Variants in CDYL observed in about 807,000 individuals in gnomAD.
CDYL encodes chromodomain Y-like protein.
A neutral mutation model predicts 47.3 loss-of-function variants in CDYL; 8 were observed. That is an observed-to-expected ratio of 0.17 (90% confidence interval 0.10 to 0.31). The LOEUF is 0.31. Among genes scored for constraint, CDYL ranks in the 10% least tolerant of loss-of-function variants. The pLI is 1.00. For synonymous variants in CDYL, 266 were observed against 265.0 expected (o/e 1.00, Z -0.04); for missense variants, 471 against 701.4 (o/e 0.67, Z 3.71).
intron 3 of CDYL, among the ~76,000 whole-genome samples, chr6:4,741,435 A>G (rs910993470): frequency 6.6e-6 from 1 of 152,218 alleles, no homozygotes; most frequent in Admixed American, 6.5e-5. Context: ...AAAGAAACCT[A>G]GAGATAAGCA....
chr6:4,857,225 A>G (rs987540190), intron 1 of CDYL, among the ~76,000 whole-genome samples: 7 of 152,238 alleles, frequency 4.6e-5, no homozygotes, highest in Non-Finnish European at 1.0e-4. Flanking sequence ...ATTCACACTG[A>G]TAATCAACCA....
In CDYL at chr6:4,726,929, A is replaced by G. The variant is rs900326064; in HGVS notation, c.104-7833A>G. ...TAATGGGTGACTCATTGATTGTTGT[A>G]AGGATTAAATAATATAATTTCCAAA... On this transcript the variant is annotated intron_variant, in intron 2 of 8. Coordinates refer to the CDYL transcript ENST00000328908. Among the ~76,000 whole-genome samples, 5 of 152,140 alleles carry G rather than the reference A, an allele frequency of 3.3e-5. No individual in the cohort carries two copies. In the East Asian group the frequency reaches 9.6e-4, roughly 29 times the overall value.
At chr6:4,719,452 G>T (rs1757330417) in intron 2 of CDYL, among the ~76,000 whole-genome samples, 1 of 151,228 alleles carries the variant, frequency 6.6e-6, no homozygotes, top group African/African-American at 2.4e-5. Context: ...TCATCATGTG[G>T]TACCTCTTTC....
At chr6:4,873,537 C>G (rs1761532634) in intron 1 of CDYL, among the ~76,000 whole-genome samples, 1 of 152,030 alleles carries the variant, frequency 6.6e-6, no homozygotes, top group South Asian at 2.1e-4. Flanking sequence ...TGATACTGTT[C>G]TGTGCAATTT....
intron 2 of CDYL, among the ~76,000 whole-genome samples, chr6:4,903,871 C>T (rs1425013377): frequency 6.6e-6 from 1 of 152,240 alleles, no homozygotes; most frequent in Non-Finnish European, 1.5e-5. Context: ...GCCATACACC[C>T]ATCAGCCGTC....
intron 1 of CDYL, among the ~76,000 whole-genome samples, chr6:4,709,963 G>A (rs1273989792): frequency 1.3e-5 from 2 of 152,108 alleles, no homozygotes; most frequent in South Asian, 2.1e-4. Context: ...GCTCATGCCT[G>A]TAATCTCAGC....
At chr6:4,785,645 C>G (rs57931007) in intron 1 of CDYL, among the ~76,000 whole-genome samples, 14,605 of 152,228 alleles carry the variant, frequency 0.096, 1,192 homozygotes, top group African/African-American at 0.22. Context: ...TAGTGTATCT[C>G]AGAACCAGGA....
At chr6:4,798,200 TG>T (rs1002828714) in intron 1 of CDYL, among the ~76,000 whole-genome samples, 10 of 152,288 alleles carry the variant, frequency 6.6e-5, no homozygotes, top group Admixed American at 3.9e-4. Context: ...CTTGAACTCC[TG>T]GGCTCCAGCA....
At chr6:4,829,654 ATC>A (rs1202939910) in intron 1 of CDYL, among the ~76,000 whole-genome samples, 1 of 152,150 alleles carries the variant, frequency 6.6e-6, no homozygotes. Flanking sequence ...TTGTTTGTAT[ATC>A]TCAACTTGAT....
chr6:4,881,848 G>A (rs764516259), intron 1 of CDYL, among the ~76,000 whole-genome samples: 1 of 152,214 alleles, frequency 6.6e-6, no homozygotes, highest in Non-Finnish European at 1.5e-5. Context: ...ATTGTTGGGA[G>A]ACAATTCTCC....
intron 1 of CDYL, among the ~76,000 whole-genome samples, chr6:4,842,701 T>G (rs956149775): frequency 6.6e-6 from 1 of 152,204 alleles, no homozygotes; most frequent in East Asian, 1.9e-4. Flanking sequence ...ACTAGGTGAA[T>G]TCTTATCCAT....
chr6:4,724,540 TCA>T (rs1214972961), intron 2 of CDYL: 1 of 152,316 alleles, frequency 6.6e-6, no homozygotes, highest in Non-Finnish European at 1.5e-5. Flanking sequence ...GCTCTGAGTG[TCA>T]CAGTTCTTAA....
At chr6:4,937,219 C>T (rs1758221927) in intron 3 of CDYL, among the ~76,000 whole-genome samples, 3 of 152,048 alleles carry the variant, frequency 2.0e-5, no homozygotes, top group Non-Finnish European at 4.4e-5. Flanking sequence ...ATGAGCCAGG[C>T]ATGATGGCAC....
chr6:4,739,764 T>C lies in CDYL; in HGVS notation c.186+4920T>C, dbSNP rs373536364. Among the ~76,000 whole-genome samples the C allele has an allele frequency of 8.2e-4, 125 of 151,762 alleles. 1 individual carries two copies. The South Asian group carries it at 0.016, about 20-fold the overall frequency. On this transcript the variant is annotated intron_variant, in intron 3 of 8. Coordinates refer to the CDYL transcript ENST00000328908. The stretch of plus-strand genomic sequence containing the variant: ...GGTCAGGAGTTCGAGAACAGCCTGA[T>C]CAACGTGGAGAAACCCCGTCTCTAC...
intron 1 of CDYL, among the ~76,000 whole-genome samples, chr6:4,816,498 CTTTT>C (rs1332068497): frequency 7.8e-6 from 1 of 127,638 alleles, no homozygotes; most frequent in Non-Finnish European, 1.7e-5. Context: ...TTCTTTCTTT[CTTTT>C]TTTTTTTTTT....
chr6:4,732,636 C>A (rs934988453), intron 2 of CDYL, among the ~76,000 whole-genome samples: 2 of 137,926 alleles, frequency 1.5e-5, no homozygotes, highest in East Asian at 4.3e-4. Flanking sequence ...GCACTGCAGC[C>A]TGGGCAACAG....
At chr6:4,784,386 C>T (rs879535934) in intron 1 of CDYL, among the ~76,000 whole-genome samples, 1 of 152,066 alleles carries the variant, frequency 6.6e-6, no homozygotes, top group Admixed American at 6.6e-5. Context: ...TGAGAGGGCC[C>T]TTTGGAGTCA....
intron 3 of CDYL, among the ~76,000 whole-genome samples, chr6:4,736,581 T>C (rs1279462572): frequency 6.6e-6 from 1 of 151,678 alleles, no homozygotes; most frequent in African/African-American, 2.4e-5. Flanking sequence ...GCTGGTTTGG[T>C]GGCCTCTTGG....
chr6:4,847,113 A>G (rs1004785580), intron 1 of CDYL, among the ~76,000 whole-genome samples: 2 of 152,218 alleles, frequency 1.3e-5, no homozygotes, highest in Non-Finnish European at 2.9e-5. Context: ...CCACCCAGGA[A>G]TGCCACCAGT....
Sources: gnomAD v4.1 joint callset for allele counts (sites outside exome capture counted in the v4.1 genomes callset) on GRCh38, gnomAD v4.1.1 for gene constraint, MANE v1.5 for transcripts, NCBI Gene and HGNC (gene_info 2026-07-23, HGNC 2026-07-21) for gene names.